SUSD1: variants seen among roughly 807,000 people sequenced by gnomAD.
SUSD1 encodes the protein sushi domain containing 1, also known as sushi domain-containing protein 1.
A neutral mutation model predicts 86.9 loss-of-function variants in SUSD1; 65 were observed. The ratio of observed to expected loss-of-function variants is 0.75; its 90% CI spans 0.61 to 0.92. The LOEUF (loss-of-function observed/expected upper bound fraction) is 0.92, where lower values mean the gene tolerates loss of function less well. Ranked by LOEUF, SUSD1 falls within the 40% of genes least tolerant of loss-of-function variation. The pLI is 0.00. For missense variants in SUSD1, 850 were observed against 929.7 expected (o/e 0.91, Z 1.11); for synonymous variants, 346 against 350.0 (o/e 0.99, Z 0.13).
intron 6 of SUSD1, 57 bp downstream of exon 6, chr9:112,124,200 C>A: frequency 1.3e-6 from 2 of 1,537,104 alleles, no homozygotes; most frequent in South Asian, 1.2e-5. Flanking sequence ...TTTAGGCCCT[C>A]GGCTCCCACT....
intron 6 of SUSD1, among the ~76,000 whole-genome samples, chr9:112,116,365 C>T (rs1317305513): frequency 6.6e-6 from 1 of 152,180 alleles, no homozygotes; most frequent in Non-Finnish European, 1.5e-5. Context: ...CAGGTGCCTA[C>T]AAATTAGTTG....
intron 14 of SUSD1, among the ~76,000 whole-genome samples, chr9:112,056,513 T>C (rs891290833): frequency 1.1e-4 from 16 of 152,210 alleles, no homozygotes; most frequent in African/African-American, 3.9e-4. Flanking sequence ...CTGATTTTAT[T>C]GTAATTGTCA....
intron 5 of SUSD1, among the ~76,000 whole-genome samples, chr9:112,137,629 A>C (rs1039390926): frequency 6.6e-6 from 1 of 152,192 alleles, no homozygotes; most frequent in African/African-American, 2.4e-5. Flanking sequence ...AATGATCAAA[A>C]TGCGTGTAGA....
chr9:112,064,143 C>T (rs573523394), intron 12 of SUSD1, among the ~76,000 whole-genome samples: 40 of 152,106 alleles, frequency 2.6e-4, no homozygotes, highest in Non-Finnish European at 5.1e-4. Flanking sequence ...AGTCACCTGC[C>T]TGAAGCCTGG....
At chr9:112,138,608 C>T (rs1399973134) in intron 5 of SUSD1, among the ~76,000 whole-genome samples, 1 of 151,758 alleles carries the variant, frequency 6.6e-6, no homozygotes, top group African/African-American at 2.4e-5. Flanking sequence ...GCCACCACGC[C>T]CAGGTAATTT....
chr9:112,052,557 A>T (rs1353777799), intron 14 of SUSD1, 119 bp from the exon 15 acceptor site: 2 of 1,120,612 alleles, frequency 1.8e-6, no homozygotes, highest in East Asian at 2.4e-5. Flanking sequence ...TCTGAACTAG[A>T]CCTTTAAAGT....
At chr9:112,144,897 T>C (rs181930198) in intron 3 of SUSD1, among the ~76,000 whole-genome samples, 1 of 152,008 alleles carries the variant, frequency 6.6e-6, no homozygotes, top group Admixed American at 6.6e-5. Flanking sequence ...GGAGAAGAAA[T>C]CTCTCTTCCA....
At chr9:112,143,337 T>C in intron 4 of SUSD1, 134 bp downstream of exon 4, 1 of 858,400 alleles carries the variant, frequency 1.2e-6, no homozygotes, top group Non-Finnish European at 1.7e-6. Flanking sequence ...ATTTGCTTTA[T>C]GTCATAGGTT....
chr9:112,107,547 A>T (rs534074630), intron 8 of SUSD1, among the ~76,000 whole-genome samples: 25 of 152,282 alleles, frequency 1.6e-4, no homozygotes, highest in African/African-American at 6.0e-4. Flanking sequence ...CAAAAATAAA[A>T]GTTTTCCAGA....
intron 2 of SUSD1, among the ~76,000 whole-genome samples, chr9:112,152,677 TG>T (rs1310470023): frequency 1.3e-5 from 2 of 150,722 alleles, no homozygotes; most frequent in African/African-American, 2.4e-5. Flanking sequence ...CCCAAAGTGC[TG>T]GGATTAGATT....
intron 1 of SUSD1, among the ~76,000 whole-genome samples, chr9:112,168,080 A>G (rs1833898377): frequency 6.6e-6 from 1 of 152,206 alleles, no homozygotes; most frequent in Non-Finnish European, 1.5e-5. Context: ...CTACAATTCA[A>G]GTTGAGATTT....
intron 12 of SUSD1, among the ~76,000 whole-genome samples, chr9:112,064,405 A>T (rs1433141157): frequency 6.6e-6 from 1 of 152,226 alleles, no homozygotes; most frequent in East Asian, 1.9e-4. Context: ...TGATGATCTG[A>T]GGTGGAACAA....
intron 10 of SUSD1, among the ~76,000 whole-genome samples, chr9:112,086,144 A>ACAAC (rs150367947): frequency 0.056 from 8,496 of 151,348 alleles, 807 homozygotes; most frequent in African/African-American, 0.19. Context: ...CCCTCTCACC[A>ACAAC]CCATCTCTAC....
chr9:112,053,513 C>CAAAAAAAAAAAA lies in SUSD1; in HGVS notation c.2110-1087_2110-1076dup, dbSNP rs56987871. 7.1e-4 allele frequency among the ~76,000 whole-genome samples: 55 copies of CAAAAAAAAAAAA among 77,638 alleles called. 1 individual carries two copies. The highest frequency in any genetic ancestry group is 3.1e-3 in the African/African-American group (51 of 16,348). The allele number at this position is 77,638 out of a possible 152,430, so 50.9% of individuals were successfully genotyped here. A position where few individuals can be genotyped will look rare whatever the true frequency, so the allele number is the denominator to read the frequency against. Reference sequence around the variant, plus strand: ...TGGGCAACAGAATGAGACTTCGTCTCAAAAAAAAAAAAAAAAAAAAAAAAA... The same window carrying CAAAAAAAAAAAA: ...TGGGCAACAGAATGAGACTTCGTCTCAAAAAAAAAAAAAAAAAAAAAAAAAAAAAAAAAAAAA... On this transcript the variant is annotated intron_variant, in intron 14 of 16. Coordinates refer to ENST00000374270, the MANE Select transcript of SUSD1 (RefSeq NM_022486.5).
At chr9:112,065,086 G>A (rs371725988) in intron 12 of SUSD1, among the ~76,000 whole-genome samples, 14 of 152,236 alleles carry the variant, frequency 9.2e-5, no homozygotes, top group African/African-American at 2.9e-4. Context: ...AAGGCCACAC[G>A]ATTAGCAAGT....
At chr9:112,172,683 T>C (rs373250995) in intron 1 of SUSD1, among the ~76,000 whole-genome samples, 266 of 152,362 alleles carry the variant, frequency 1.7e-3, no homozygotes, top group African/African-American at 6.0e-3. Flanking sequence ...TTTCCCCTTC[T>C]GTTCCCTTGC....
intron 8 of SUSD1, among the ~76,000 whole-genome samples, chr9:112,103,566 T>G (rs1467402341): frequency 6.6e-6 from 1 of 152,204 alleles, no homozygotes. Flanking sequence ...CGTAAGATAG[T>G]CATTATCATC....
Position 112,062,972 on chromosome 9 carries a change from T to C in SUSD1, c.1815A>G (p.Arg605=), listed in dbSNP as rs148356316. The part of the protein sequence containing the change: ...TVHRGPLPRL[R]LRKAKEKNGP... ...CATTTTTCTCCTTGGCTTTCCTCAG[T>C]CTGAGGCGTGGTAGAGGTCCTCTGT... Residue 605 remains arginine (R), a synonymous_variant, in exon 13 of 17, where the codon AGA becomes AGG. Coordinates refer to ENST00000374270, the MANE Select transcript of SUSD1 (RefSeq NM_022486.5). 109 of 1,613,560 alleles carry C rather than the reference T, an allele frequency of 6.8e-5. No individual in the cohort carries two copies. In the African/African-American group the frequency reaches 1.3e-3, roughly 19 times the overall value.
At chr9:112,051,434 G>GTTTTTTTTTTT (rs1554751264) in intron 15 of SUSD1, among the ~76,000 whole-genome samples, 1 of 50,622 alleles carries the variant, frequency 2.0e-5, no homozygotes, top group African/African-American at 6.7e-5. Flanking sequence ...TTTTTTTTTT[G>GTTTTTTTTTTT]TTGTTGTTGT....
Sources: gnomAD v4.1 joint callset for allele counts (sites outside exome capture counted in the v4.1 genomes callset) on GRCh38, gnomAD v4.1.1 for gene constraint, MANE v1.5 for transcripts, NCBI Gene and HGNC (gene_info 2026-07-23, HGNC 2026-07-21) for gene names.